Variants in SYNPO2 observed in about 807,000 individuals in gnomAD.
SYNPO2 encodes synaptopodin-2.
Under a neutral mutation model 85.0 loss-of-function variants are expected in SYNPO2, and 56 were observed. The observed-to-expected ratio is 0.66, with a 90% CI of 0.53 to 0.82. SYNPO2 has a LOEUF of 0.82. SYNPO2 is among the 40% of genes least tolerant of loss of function. The pLI, the probability that SYNPO2 is intolerant of heterozygous loss-of-function variation, is 0.00. For synonymous variants in SYNPO2, 602 were observed against 591.1 expected, an observed-to-expected ratio of 1.02 and a Z score of -0.27; for missense variants, 1,575 against 1,534.2, an observed-to-expected ratio of 1.03 and a Z score of -0.44.
At chr4:118,880,840 T>G (rs900319240) in intron 1 of SYNPO2, among the ~76,000 whole-genome samples, 1 of 152,160 alleles carries the variant, frequency 6.6e-6, no homozygotes, top group Non-Finnish European at 1.5e-5. Context: ...TTATCTTCAC[T>G]CTTTCTGATG....
intron 1 of SYNPO2, among the ~76,000 whole-genome samples, chr4:118,852,816 T>C (rs991763738): frequency 6.6e-6 from 1 of 152,122 alleles, no homozygotes; most frequent in African/African-American, 2.4e-5. Flanking sequence ...ACAAACCCCA[T>C]TACACAAGTT....
chr4:118,990,285 C>A (rs994022620), intron 1 of SYNPO2, among the ~76,000 whole-genome samples: 3 of 152,200 alleles, frequency 2.0e-5, no homozygotes, highest in African/African-American at 7.2e-5. Context: ...CTTTCTCTCA[C>A]AAAGAAACGT....
In SYNPO2 at chr4:119,031,797, C is replaced by G. The variant is rs754352661; in HGVS notation, c.3022C>G (p.Pro1008Ala). ...SALAMKQALP[P>A]RPVNAASPTN... ...CCTGGCCATGAAGCAAGCTCTTCCT[C>G]CCCGGCCAGTGAATGCTGCCTCACC... The change falls in exon 4 of 5, where the codon CCC becomes GCC. Residue 1008 changes from proline (P) to alanine (A), a missense_variant. This residue lies in a region of SYNPO2 where 1,508 missense variants were observed against 1,446.8 expected (regional missense o/e 1.04). Coordinates refer to ENST00000307142, the MANE Select transcript of SYNPO2 (RefSeq NM_133477.3). The G allele has an allele frequency of 4.3e-6, 7 of 1,614,168 alleles. No individual in the cohort carries two copies. Among genetic ancestry groups the G allele is most frequent in the Non-Finnish European group, 5.9e-6 (7 of 1,180,030 alleles).
intron 1 of SYNPO2, among the ~76,000 whole-genome samples, chr4:118,882,315 G>A (rs1048930217): frequency 6.6e-6 from 1 of 152,066 alleles, no homozygotes; most frequent in Middle Eastern, 3.4e-3. Flanking sequence ...AAATATAGAA[G>A]CTATTGTTTA....
In SYNPO2 at chr4:119,023,446, A is replaced by G. The variant is rs1737816341; in HGVS notation, c.122A>G (p.Lys41Arg). The stretch of plus-strand genomic sequence containing the variant: ...TCCACTCAGATTCGAAATCAGAGCA[A>G]AGCCTCTGGGTCTGGGCTCTGTGAG... The part of the protein sequence containing the change: ...LQVAKIRNQS[K>R]ASGSGLCEGD... The change falls in exon 2 of 5, where the codon AAA becomes AGA. Residue 41 changes from lysine to arginine, a missense_variant. This residue lies in a region of SYNPO2 where 55 missense variants were observed against 55.5 expected (regional missense o/e 0.99). Coordinates refer to ENST00000307142, the MANE Select transcript of SYNPO2 (RefSeq NM_133477.3). 3 of 1,611,272 alleles carry G rather than the reference A, an allele frequency of 1.9e-6. No individual in the cohort carries two copies. In the East Asian group the frequency reaches 6.7e-5, roughly 36 times the overall value.
chr4:118,860,331 C>T (rs1731586679), intron 1 of SYNPO2, among the ~76,000 whole-genome samples: 1 of 152,172 alleles, frequency 6.6e-6, no homozygotes, highest in Non-Finnish European at 1.5e-5. Flanking sequence ...GCAGCCTCGA[C>T]CTCTCAGGCT....
intron 1 of SYNPO2, among the ~76,000 whole-genome samples, chr4:118,924,974 C>T (rs1733664654): frequency 6.6e-6 from 1 of 152,184 alleles, no homozygotes; most frequent in Non-Finnish European, 1.5e-5. Flanking sequence ...AAGTCTATCA[C>T]ATCACCTCCA....
chr4:119,006,726 A>T (rs1737043588), intron 1 of SYNPO2, among the ~76,000 whole-genome samples: 1 of 152,152 alleles, frequency 6.6e-6, no homozygotes, highest in African/African-American at 2.4e-5. Flanking sequence ...AACACTTGTA[A>T]AATTTAATTT....
intron 1 of SYNPO2, among the ~76,000 whole-genome samples, chr4:118,921,349 A>G (rs1336080361): frequency 6.6e-6 from 1 of 152,192 alleles, no homozygotes; most frequent in Non-Finnish European, 1.5e-5. Flanking sequence ...TATTCATGAT[A>G]CCATCATATC....
At chr4:118,863,619 CTT>C (rs1222719858) in intron 1 of SYNPO2, among the ~76,000 whole-genome samples, 1 of 149,362 alleles carries the variant, frequency 6.7e-6, no homozygotes, top group Non-Finnish European at 1.5e-5. Context: ...TTTCATTTAT[CTT>C]TTTTTTTTGA....
intron 1 of SYNPO2, among the ~76,000 whole-genome samples, chr4:118,881,258 C>T (rs1732088025): frequency 6.7e-6 from 1 of 149,194 alleles, no homozygotes; most frequent in South Asian, 2.1e-4. Flanking sequence ...GCCGAGATCG[C>T]ACCACTGGAC....
At position 119,058,184 on chromosome 4, in the gene SYNPO2, A is replaced by G. The variant is rs1414127076; in HGVS notation, c.*250A>G. On this transcript the variant is annotated 3_prime_UTR_variant, in exon 5 of 5. Transcript: ENST00000307142. Reference sequence around the variant, plus strand: ...GATCCATAGAGCATTACTTGGAAGAAAATTTCACTATTTGCATTGATGTGC... The same window carrying G: ...GATCCATAGAGCATTACTTGGAAGAGAATTTCACTATTTGCATTGATGTGC... 3.8e-6 allele frequency: 1 copy of G among 266,512 alleles called. No homozygotes were observed. Among genetic ancestry groups the G allele is most frequent in the East Asian group, 7.0e-5 (1 of 14,380 alleles). The allele number at this position is 266,512 out of a possible 1,614,324, so 16.5% of individuals were successfully genotyped here.
intron 1 of SYNPO2, among the ~76,000 whole-genome samples, chr4:118,973,672 G>A (rs532513890): frequency 1.3e-5 from 2 of 152,186 alleles, no homozygotes; most frequent in African/African-American, 4.8e-5. Context: ...CCAGTTCATA[G>A]CCAAAAAATT....
intron 1 of SYNPO2, among the ~76,000 whole-genome samples, chr4:118,903,870 G>C (rs972162653): frequency 6.6e-6 from 1 of 151,954 alleles, no homozygotes; most frequent in African/African-American, 2.4e-5. Context: ...ATGCCACCAT[G>C]CCCAGCTAAT....
chr4:118,976,635 T>A (rs1735755118), intron 1 of SYNPO2, among the ~76,000 whole-genome samples: 1 of 151,664 alleles, frequency 6.6e-6, no homozygotes, highest in Non-Finnish European at 1.5e-5. Context: ...CCCCATCAGA[T>A]TAGTTAGATA....
chr4:118,983,853 A>G (rs1007018246), intron 1 of SYNPO2, among the ~76,000 whole-genome samples: 2 of 152,144 alleles, frequency 1.3e-5, no homozygotes, highest in African/African-American at 4.8e-5. Flanking sequence ...AACATTTCCA[A>G]AACAGAACTC....
At chr4:118,946,642 T>C (rs958414880) in intron 1 of SYNPO2, among the ~76,000 whole-genome samples, 14 of 152,226 alleles carry the variant, frequency 9.2e-5, no homozygotes, top group Admixed American at 5.9e-4. Context: ...CCCTTTTATG[T>C]TCTTTATTTT....
intron 1 of SYNPO2, among the ~76,000 whole-genome samples, chr4:118,883,706 T>A: frequency 1.2e-5 from 1 of 84,948 alleles, no homozygotes; most frequent in Non-Finnish European, 2.9e-5. Flanking sequence ...AATAGATTTC[T>A]CTTTTTCTTT....
chr4:118,944,849 A>G (rs904604636), intron 1 of SYNPO2, among the ~76,000 whole-genome samples: 2 of 152,174 alleles, frequency 1.3e-5, no homozygotes, highest in African/African-American at 2.4e-5. Flanking sequence ...GAAAGTTAAC[A>G]TTTAAAATAT....
Sources: allele counts gnomAD v4.1 joint callset (sites outside exome capture counted in the v4.1 genomes callset), GRCh38; gene constraint gnomAD v4.1.1; regional missense constraint gnomAD v4.1.1; transcripts MANE v1.5; gene names NCBI Gene and HGNC (gene_info 2026-07-23, HGNC 2026-07-21).